The following PIK3C2G variants were observed in gnomAD, a reference collection of about 807,000 sequenced individuals.
PIK3C2G encodes phosphatidylinositol-4-phosphate 3-kinase catalytic subunit type 2 gamma.
A neutral mutation model predicts 181.1 loss-of-function variants in PIK3C2G; 168 were observed. The ratio of observed to expected loss-of-function variants is 0.93; its 90% CI spans 0.82 to 1.05. PIK3C2G has a LOEUF of 1.05. PIK3C2G is among the 50% of genes least tolerant of loss of function. The pLI, the probability that PIK3C2G is intolerant of heterozygous loss-of-function variation, is 0.00. For synonymous variants in PIK3C2G, 573 were observed against 592.2 expected, an observed-to-expected ratio of 0.97 and a Z score of 0.47; for missense variants, 1,869 against 1,732.8, an observed-to-expected ratio of 1.08 and a Z score of -1.40.
the PIK3C2G span, among the ~76,000 whole-genome samples, chr12:18,667,021 T>C: frequency 3.9e-5 from 6 of 152,176 alleles, no homozygotes; most frequent in Admixed American, 2.6e-4. Flanking sequence ...TTCTCAATAA[T>C]GGTGTAGGCT....
chr12:18,554,091 A>C (rs1944876667), intron 26 of PIK3C2G, among the ~76,000 whole-genome samples: 1 of 152,090 alleles, frequency 6.6e-6, no homozygotes, highest in Non-Finnish European at 1.5e-5. Flanking sequence ...TTATAGATGC[A>C]ACAGTTGAAT....
In PIK3C2G at chr12:18,641,354, G is replaced by C. The variant is rs534760538; in HGVS notation, c.4308+800G>C. Among the ~76,000 whole-genome samples, 4 of 152,040 alleles carry C rather than the reference G, an allele frequency of 2.6e-5. No individual in the cohort carries two copies. In the East Asian group the frequency reaches 7.7e-4, roughly 29 times the overall value. On this transcript the variant is annotated intron_variant, in intron 32 of 32. Coordinates refer to ENST00000538779, the MANE Select transcript of PIK3C2G (RefSeq NM_001288772.2). ...TTATTGATAGTACTTTATTCAAGGG[G>C]CATCAATAGACTCCTAACTGCTAAA...
At chr12:18,361,116 C>T (rs1941203786) in intron 11 of PIK3C2G, among the ~76,000 whole-genome samples, 1 of 151,984 alleles carries the variant, frequency 6.6e-6, no homozygotes, top group Admixed American at 6.6e-5. Context: ...TCATTTTTGG[C>T]TTCTCTGGCT....
chr12:18,701,889 G>A, the PIK3C2G span: 3 of 1,435,074 alleles, frequency 2.1e-6, no homozygotes, highest in South Asian at 2.8e-5. Flanking sequence ...AATAAGATAT[G>A]TAAGAACTCC....
At chr12:18,542,525 C>A (rs10770369) in intron 25 of PIK3C2G, among the ~76,000 whole-genome samples, 43,195 of 151,548 alleles carry the variant, frequency 0.29, 7,274 homozygotes, top group East Asian at 0.72. Flanking sequence ...GCCCAGTACC[C>A]AATAGTTATC....
intron 24 of PIK3C2G, among the ~76,000 whole-genome samples, chr12:18,511,649 AT>A (rs369922605): frequency 1.5e-3 from 228 of 151,794 alleles, no homozygotes; most frequent in African/African-American, 5.3e-3. Context: ...TTCTTTGCTT[AT>A]TTTTTTAATG....
chr12:18,323,180 G>T lies in PIK3C2G; in HGVS notation c.1209-1855G>T, dbSNP rs184129492. ...CTAGCAGATATTTGATGGCCAGTGTGCAGTTGCAGGGGTCCAGAGGGTTAA... is the reference window on the plus strand; with the variant it reads ...CTAGCAGATATTTGATGGCCAGTGTTCAGTTGCAGGGGTCCAGAGGGTTAA... On this transcript the variant is annotated intron_variant, in intron 7 of 32. Transcript: ENST00000538779. Among the ~76,000 whole-genome samples the T allele has an allele frequency of 5.9e-5, 9 of 152,242 alleles. No homozygotes were observed. The East Asian group carries it at 1.7e-3, about 30-fold the overall frequency.
At chr12:18,440,593 AG>A (rs1253716682) in intron 18 of PIK3C2G, among the ~76,000 whole-genome samples, 1 of 152,110 alleles carries the variant, frequency 6.6e-6, no homozygotes, top group East Asian at 1.9e-4. Flanking sequence ...GCCAGGAAGA[AG>A]TAATAGCGTG....
At chr12:18,643,002 C>A (rs1425672049) in intron 32 of PIK3C2G, among the ~76,000 whole-genome samples, 2 of 151,924 alleles carry the variant, frequency 1.3e-5, no homozygotes, top group Non-Finnish European at 1.5e-5. Context: ...AGTCTCCATG[C>A]CTCACTATCA....
chr12:18,330,421 A>G (rs1219158437), intron 8 of PIK3C2G, among the ~76,000 whole-genome samples: 2 of 152,112 alleles, frequency 1.3e-5, no homozygotes, highest in Non-Finnish European at 2.9e-5. Flanking sequence ...ACAATATAAG[A>G]GTTCTTGTGG....
intron 16 of PIK3C2G, among the ~76,000 whole-genome samples, chr12:18,404,902 T>G (rs141203757): frequency 1.2e-3 from 188 of 152,036 alleles, no homozygotes; most frequent in African/African-American, 4.2e-3. Context: ...GAAAGAATAT[T>G]AGATAGATAA....
At chr12:18,630,830 T>G (rs185771110) in intron 31 of PIK3C2G, among the ~76,000 whole-genome samples, 350 of 152,240 alleles carry the variant, frequency 2.3e-3, no homozygotes, top group Non-Finnish European at 4.0e-3. Flanking sequence ...TGTTACTTTA[T>G]TTCAACCTAC....
chr12:18,289,801 A>G (rs1168376414), intron 3 of PIK3C2G, among the ~76,000 whole-genome samples: 3 of 152,180 alleles, frequency 2.0e-5, no homozygotes, highest in Non-Finnish European at 4.4e-5. Flanking sequence ...TGCTACAAAA[A>G]TAGCTATTAG....
intron 15 of PIK3C2G, among the ~76,000 whole-genome samples, chr12:18,399,363 C>A: frequency 6.8e-6 from 1 of 148,010 alleles, no homozygotes. Flanking sequence ...GAGATTTTGC[C>A]AACCAAAATG....
chr12:18,374,372 G>A (rs944935536), intron 13 of PIK3C2G, among the ~76,000 whole-genome samples: 1 of 152,028 alleles, frequency 6.6e-6, no homozygotes, highest in Non-Finnish European at 1.5e-5. Flanking sequence ...CATTTCAGAT[G>A]TATCTTCAAA....
At chr12:18,601,580 A>C (rs1947716781) in intron 30 of PIK3C2G, among the ~76,000 whole-genome samples, 1 of 152,140 alleles carries the variant, frequency 6.6e-6, no homozygotes, top group South Asian at 2.1e-4. Flanking sequence ...GGATGACTAT[A>C]GTTAATCATA....
At chr12:18,290,333 T>C (rs1169330893) in intron 3 of PIK3C2G, among the ~76,000 whole-genome samples, 1 of 152,220 alleles carries the variant, frequency 6.6e-6, no homozygotes, top group East Asian at 1.9e-4. Flanking sequence ...GGCTCCAATA[T>C]TTGTGTAAAA....
intron 29 of PIK3C2G, among the ~76,000 whole-genome samples, chr12:18,573,736 C>T (rs1198034595): frequency 6.6e-6 from 1 of 152,160 alleles, no homozygotes; most frequent in Admixed American, 6.6e-5. Context: ...CAAGCTACCC[C>T]TGGTTTTAAG....
At chr12:18,637,040 T>C (rs1949634813) in intron 31 of PIK3C2G, among the ~76,000 whole-genome samples, 1 of 152,172 alleles carries the variant, frequency 6.6e-6, no homozygotes, top group Admixed American at 6.5e-5. Flanking sequence ...TGAGCTCAAA[T>C]TCTATTGATC....
Sources: allele counts gnomAD v4.1 joint callset (sites outside exome capture counted in the v4.1 genomes callset), GRCh38; gene constraint gnomAD v4.1.1; transcripts MANE v1.5; gene names NCBI Gene and HGNC (gene_info 2026-07-23, HGNC 2026-07-21).